KLHL30: variants seen among roughly 807,000 people sequenced by gnomAD.
KLHL30 encodes the protein kelch like family member 30.
In KLHL30, 55 loss-of-function variants were observed where a neutral mutation model predicts 55.0. The observed-to-expected ratio is 1.00, with a 90% CI of 0.80 to 1.25. The LOEUF is 1.25. KLHL30 is among the 50% of genes most tolerant of loss of function. The pLI is 0.00. For missense variants in KLHL30, 786 were observed against 811.6 expected (o/e 0.97, Z 0.38); for synonymous variants, 356 against 372.6 (o/e 0.96, Z 0.51).
At chr2:238,141,569 G>C in intron 2 of KLHL30, 41 bp downstream of exon 2, 1 of 1,431,612 alleles carries the variant, frequency 7.0e-7, no homozygotes, top group Non-Finnish European at 9.1e-7. Context: ...GGGAAGCAGG[G>C]AGGAGAGCCC....
rs778445060 is a variant in KLHL30 at position 238,145,799 on chromosome 2, G to A, written c.1117G>A (p.Ala373Thr). ...GAAGCCCCGCACCAACCACGCCAGC[G>A]CGGCCCTCAATGGGGAGATCTACGT... ...MLKPRTNHAS[A>T]ALNGEIYVIG... The change falls in exon 5 of 8, where the codon GCG (alanine) becomes ACG (threonine). Residue 373 changes from alanine to threonine, a missense_variant. Transcript: ENST00000409223. 81 of 1,607,982 alleles carry A rather than the reference G, an allele frequency of 5.0e-5. No individual in the cohort carries two copies. The highest frequency in any genetic ancestry group is 9.4e-5 in the African/African-American group (7 of 74,848).
chr2:238,149,924 A>T (rs1028800734), intron 7 of KLHL30, among the ~76,000 whole-genome samples: 6 of 152,062 alleles, frequency 3.9e-5, no homozygotes, highest in Admixed American at 3.3e-4. Flanking sequence ...CACCTGCCCC[A>T]AGACTCCCAG....
At chr2:238,144,795 G>T (rs12623661) in intron 3 of KLHL30, 107 bp from the exon 4 acceptor site, 11 of 817,616 alleles carry the variant, frequency 1.3e-5, no homozygotes, top group East Asian at 2.7e-5. Flanking sequence ...CAGTGAGGGG[G>T]GCATTTCTGC....
chr2:238,147,823 T>TCACC lies in KLHL30; in HGVS notation c.1151-9_1151-6dup, dbSNP rs775857120. 248 of 1,295,264 alleles carry TCACC rather than the reference T, an allele frequency of 1.9e-4. No individual in the cohort carries two copies. The highest frequency in any genetic ancestry group is 6.3e-4 in the Middle Eastern group (3 of 4,748). 80.2% of individuals were successfully genotyped at this position (1,295,264 alleles called of 1,614,324 possible). On this transcript the variant is annotated splice_polypyrimidine_tract_variant and intron_variant, in intron 5 of 7. Transcript: ENST00000409223. This position sits in a 1 kb window ranked among gnomAD's most constrained non-coding sequence, Gnocchi z 5.8. ...CCCCAGCCCTGAACTGCCCCCGCCCTCACCCCACAGGCACCACCCTGGACG... is the reference window on the plus strand; with the variant it reads ...CCCCAGCCCTGAACTGCCCCCGCCCTCACCCACCCCACAGGCACCACCCTGGACG...
intron 3 of KLHL30, among the ~76,000 whole-genome samples, chr2:238,144,408 A>AGGCAGGCAGGC (rs1692600530): frequency 4.2e-5 from 5 of 119,530 alleles, no homozygotes; most frequent in Admixed American, 1.7e-4. Context: ...GGAAGGAAGG[A>AGGCAGGCAGGC]AGGAAGGAAG....
At chr2:238,144,432 A>AAGGAAGGAATGAAGGAAGGAAGGC (rs1692608040) in intron 3 of KLHL30, among the ~76,000 whole-genome samples, 1 of 82,380 alleles carries the variant, frequency 1.2e-5, no homozygotes, top group Non-Finnish European at 2.6e-5. Flanking sequence ...GGAAGGAAGG[A>AAGGAAGGAATGAAGGAAGGAAGGC]AGGCAGGCAG....
chr2:238,141,536 A>C lies in KLHL30; in HGVS notation c.774+8A>C. 1.4e-6 allele frequency: 2 copies of C among 1,435,644 alleles called. No homozygotes were observed. The highest frequency in any genetic ancestry group is 9.1e-7 in the Non-Finnish European group (1 of 1,099,172). The allele number at this position is 1,435,644 out of a possible 1,614,324, so 88.9% of individuals were successfully genotyped here. A position where few individuals can be genotyped will look rare whatever the true frequency, so the allele number is the denominator to read the frequency against. On this transcript the variant is annotated splice_region_variant and intron_variant, in intron 2 of 7. Coordinates refer to ENST00000409223, the MANE Select transcript of KLHL30 (RefSeq NM_198582.4). ...TCCCAGGGCCATGATGGGGTGAGTG[A>C]GCGGCTGGGAGGCCCCATCCCTGGG...
rs773074795 is a variant in KLHL30 at position 238,140,955 on chromosome 2, C to T, written c.201C>T (p.Ala67=). 19 of 1,611,734 alleles carry T rather than the reference C, an allele frequency of 1.2e-5. No homozygotes were observed. Among genetic ancestry groups the T allele is most frequent in the African/African-American group, 2.7e-5 (2 of 74,924 alleles). The part of the protein sequence containing the change: ...YFHAMFAGDF[A]ESFSARVELR... ...ATGCCATGTTTGCGGGTGACTTCGC[C>T]GAGAGCTTCTCTGCGCGCGTGGAGC... Residue 67 remains alanine (A), a synonymous_variant, in exon 2 of 8, where the codon GCC becomes GCT. Transcript: ENST00000409223.
intron 7 of KLHL30, among the ~76,000 whole-genome samples, chr2:238,150,336 A>G (rs776741017): frequency 1.3e-5 from 2 of 152,126 alleles, no homozygotes; most frequent in African/African-American, 2.4e-5. Flanking sequence ...GCCTCTGGAA[A>G]GCCACCCGCC....
chr2:238,149,552 C>T (rs1016976358), intron 7 of KLHL30, among the ~76,000 whole-genome samples: 3 of 152,180 alleles, frequency 2.0e-5, no homozygotes, highest in African/African-American at 4.8e-5. Context: ...TTTGGGTTGC[C>T]GGCCACTGGT....
intron 1 of KLHL30, 78 bp from the exon 2 acceptor site, chr2:238,140,607 C>T: frequency 1.4e-6 from 1 of 738,798 alleles, no homozygotes; most frequent in Non-Finnish European, 2.2e-6. Context: ...GTGGAAAGGG[C>T]TGATGGACAG....
chr2:238,140,773 GA>G lies in KLHL30; in HGVS notation c.20del (p.Asp7AlafsTer90), dbSNP rs1264728776. ...CGGCGTCATGGTGCGGAACGTGGAT[GA>G]CCTGGATTTCCACCTGCCCTCGCAT... The part of the protein sequence containing the change: MVRNVD[D>X]LDFHLPSHAQ... On this transcript the variant is annotated frameshift_variant, in exon 2 of 8. Coordinates refer to ENST00000409223, the MANE Select transcript of KLHL30 (RefSeq NM_198582.4). LOFTEE classifies it high-confidence loss of function. The G allele has an allele frequency of 6.5e-7, 1 of 1,548,024 alleles. No individual in the cohort carries two copies. Among genetic ancestry groups the G allele is most frequent in the Non-Finnish European group, 8.8e-7 (1 of 1,142,292 alleles).
chr2:238,148,919 G>C, intron 6 of KLHL30, 88 bp from the exon 7 acceptor site: 1 of 1,344,366 alleles, frequency 7.4e-7, no homozygotes, highest in Non-Finnish European at 1.0e-6. Context: ...GAGAGGCACT[G>C]AGTCCAGGGT....
chr2:238,152,093 GC>G lies in KLHL30; in HGVS notation c.*1031del. The G allele has an allele frequency of 2.0e-6, 2 of 985,366 alleles. No homozygotes were observed. Among genetic ancestry groups the G allele is most frequent in the Admixed American group, 6.1e-5 (1 of 16,272 alleles). 61.0% of individuals were successfully genotyped at this position (985,366 alleles called of 1,614,324 possible). On this transcript the variant is annotated 3_prime_UTR_variant, in exon 8 of 8. Transcript: ENST00000409223. ...GCGTGTCCCTCCTGTCACAGGCTCC[GC>G]CCTGGGACATGGGGCTAGAAGTCAG...
At chr2:238,140,652 C>CTAA (rs1692513734) in intron 1 of KLHL30, 33 bp from the exon 2 acceptor site, 1 of 1,253,710 alleles carries the variant, frequency 8.0e-7, no homozygotes, top group African/African-American at 1.5e-5. Context: ...GAGACCATCC[C>CTAA]CACTTGGCTG....
At chr2:238,139,825 AC>A (rs2106309888) in intron 1 of KLHL30, among the ~76,000 whole-genome samples, 1 of 152,340 alleles carries the variant, frequency 6.6e-6, no homozygotes, top group South Asian at 2.1e-4. Flanking sequence ...AGGCTTGTGC[AC>A]AGACTTGATC....
rs369191495 is a variant in KLHL30, at chr2:238,147,446, T to C, written c.1151-388T>C. Among the ~76,000 whole-genome samples the C allele has an allele frequency of 3.6e-4, 55 of 152,182 alleles. No individual in the cohort carries two copies. The highest frequency in any genetic ancestry group is 1.3e-3 in the African/African-American group (53 of 41,534). ...GGACTGGGAGGGAGCTGCCTACAGC[T>C]CCAGGGTCTCGCAACCCGCCCTCCC... On this transcript the variant is annotated intron_variant, in intron 5 of 7. Coordinates refer to ENST00000409223, the MANE Select transcript of KLHL30 (RefSeq NM_198582.4). This position sits in a 1 kb window ranked among gnomAD's most constrained non-coding sequence, Gnocchi z 5.8.
intron 3 of KLHL30, among the ~76,000 whole-genome samples, chr2:238,144,369 C>CGGAAGGAAAGAAGGAA (rs71043108): frequency 5.4e-4 from 43 of 78,918 alleles, no homozygotes; most frequent in South Asian, 3.3e-3. Context: ...GGAGGGTGCT[C>CGGAAGGAAAGAAGGAA]GGAAGGAAGG....
intron 2 of KLHL30, among the ~76,000 whole-genome samples, chr2:238,142,110 C>T (rs1227899930): frequency 6.6e-6 from 1 of 152,222 alleles, no homozygotes; most frequent in African/African-American, 2.4e-5. Flanking sequence ...GATGGAATGA[C>T]AGGTCTGGGA....
Sources: allele counts gnomAD v4.1 joint callset (sites outside exome capture counted in the v4.1 genomes callset), GRCh38; gene constraint gnomAD v4.1.1; non-coding constraint Gnocchi (gnomAD v3.1); transcripts MANE v1.5; gene names NCBI Gene and HGNC (gene_info 2026-07-23, HGNC 2026-07-21).